Variants in CCDC3 observed in about 807,000 individuals in gnomAD.
CCDC3 encodes the protein coiled-coil domain-containing protein 3.
CCDC3 carries 24 observed loss-of-function variants against 21.4 expected under a neutral mutation model. The ratio of observed to expected loss-of-function variants is 1.12; its 90% confidence interval spans 0.81 to 1.58. The LOEUF (loss-of-function observed/expected upper bound fraction) is 1.58. Ranked by LOEUF, CCDC3 falls within the 40% of genes most tolerant of loss-of-function variation. CCDC3 has a pLI of 0.00. For missense variants in CCDC3, 425 were observed against 360.9 expected (o/e 1.18, Z -1.44); for synonymous variants, 186 against 166.0 (o/e 1.12, Z -0.93).
At chr10:13,033,449 A>C (rs1836332381) in intron 5 of CCDC3, among the ~76,000 whole-genome samples, 1 of 152,226 alleles carries the variant, frequency 6.6e-6, no homozygotes, top group Non-Finnish European at 1.5e-5. Flanking sequence ...TTCATGTCTA[A>C]AACACCAAAA....
In CCDC3 at chr10:12,939,030, G is replaced by A. The variant is rs145485836; in HGVS notation, c.550-40351C>T. On this transcript the variant is annotated intron_variant, in intron 2 of 2. Transcript: ENST00000378825. ...TCCTCCTATCTCTGAGAGGTTGGCT[G>A]CATCCACTACAAATTCAGAATCTCC... 4.5e-3 allele frequency among the ~76,000 whole-genome samples: 689 copies of A among 151,774 alleles called. 5 individuals carry two copies. The highest frequency in any genetic ancestry group is 0.015 in the African/African-American group (617 of 41,038).
intron 2 of CCDC3, among the ~76,000 whole-genome samples, chr10:12,899,229 C>T (rs945414682): frequency 6.6e-6 from 1 of 152,106 alleles, no homozygotes; most frequent in African/African-American, 2.4e-5. Context: ...ACGCCAGTAT[C>T]TCTTAAACGC....
intron 3 of CCDC3, among the ~76,000 whole-genome samples, chr10:13,092,261 T>TGA (rs1832581168): frequency 1.3e-5 from 2 of 152,250 alleles, no homozygotes; most frequent in African/African-American, 4.8e-5. Flanking sequence ...CTCTTGTTTC[T>TGA]ATAATAAACA....
chr10:12,986,722 G>C (rs1161656863), intron 2 of CCDC3, among the ~76,000 whole-genome samples: 3 of 150,804 alleles, frequency 2.0e-5, no homozygotes, highest in Non-Finnish European at 4.4e-5. Context: ...GCAGTGAGCC[G>C]AGATCGTGCC....
intron 4 of CCDC3, chr10:13,058,329 T>G: frequency 7.8e-7 from 1 of 1,282,906 alleles, no homozygotes; most frequent in Non-Finnish European, 1.1e-6. Flanking sequence ...TCATAGATCT[T>G]GTCCATGCCA....
chr10:12,953,572 C>G (rs1442700262), intron 2 of CCDC3, among the ~76,000 whole-genome samples: 1 of 152,246 alleles, frequency 6.6e-6, no homozygotes, highest in Non-Finnish European at 1.5e-5. Flanking sequence ...TAGCCTACTG[C>G]TCAGACACAC....
Position 12,927,142 on chromosome 10 carries a change from A to C in CCDC3, c.550-28463T>G, listed in dbSNP as rs556116438. Among the ~76,000 whole-genome samples, 5 of 152,326 alleles carry C rather than the reference A, an allele frequency of 3.3e-5. No homozygotes were observed. In the South Asian group the frequency reaches 1.0e-3, roughly 32 times the overall value. ...ATTATTTTTAAAATGGAAATTTCCG[A>C]ACACACATAAAAGTAGAGAGATGAG... On this transcript the variant is annotated intron_variant, in intron 2 of 2. Transcript: ENST00000378825.
intron 5 of CCDC3, among the ~76,000 whole-genome samples, chr10:13,020,624 A>C (rs1051742290): frequency 1.1e-4 from 17 of 152,150 alleles, no homozygotes; most frequent in Admixed American, 2.6e-4. Flanking sequence ...CAAAATATGC[A>C]CTGATTTTTA....
intron 2 of CCDC3, among the ~76,000 whole-genome samples, chr10:12,963,586 T>G (rs1057443834): frequency 1.3e-5 from 2 of 148,660 alleles, no homozygotes; most frequent in South Asian, 2.2e-4. Flanking sequence ...CGGGTTTTTT[T>G]TTTTTTTTTT....
intron 2 of CCDC3, among the ~76,000 whole-genome samples, chr10:12,970,904 T>C (rs1032724804): frequency 4.0e-5 from 6 of 150,790 alleles, no homozygotes; most frequent in Admixed American, 4.0e-4. Context: ...AAAAAAAAAA[T>C]TGTCAGTCTG....
At chr10:13,075,065 G>A (rs949013728) in intron 3 of CCDC3, among the ~76,000 whole-genome samples, 1 of 152,152 alleles carries the variant, frequency 6.6e-6, no homozygotes, top group African/African-American at 2.4e-5. Flanking sequence ...TGACGCATAG[G>A]TGCCCACTGC....
chr10:12,998,339 C>T lies in CCDC3; in HGVS notation c.548G>A (p.Arg183Lys). 1.2e-6 allele frequency: 2 copies of T among 1,613,786 alleles called. No individual in the cohort carries two copies. Among genetic ancestry groups the T allele is most frequent in the Non-Finnish European group, 1.7e-6 (2 of 1,179,832 alleles). ...SSDWEIQEDSRLMCSSVQKAL... is the reference protein window; with the variant it reads ...SSDWEIQEDSKLMCSSVQKAL... ...GCACAGGATTTAGCCAATTCTTACC[C>T]TACTGTCTTCCTGGATTTCCCAGTC... is the stretch of plus-strand genomic sequence containing the variant. The change falls in exon 2 of 3, where the codon AGG becomes AAG. Residue 183 changes from arginine (R) to lysine (K), a missense_variant and splice_region_variant. Coordinates refer to ENST00000378825, the MANE Select transcript of CCDC3 (RefSeq NM_031455.4).
At chr10:13,089,671 A>T (rs948448339) in intron 3 of CCDC3, among the ~76,000 whole-genome samples, 7 of 151,824 alleles carry the variant, frequency 4.6e-5, no homozygotes, top group African/African-American at 1.7e-4. Flanking sequence ...CATTTTTTTA[A>T]ATTTAAATTT....
chr10:13,075,771 G>T (rs1836956680), intron 3 of CCDC3, among the ~76,000 whole-genome samples: 1 of 152,108 alleles, frequency 6.6e-6, no homozygotes, highest in South Asian at 2.1e-4. Context: ...TAGGCGCACG[G>T]GCATGGTGGC....
At chr10:12,988,454 C>A (rs1427623240) in intron 2 of CCDC3, among the ~76,000 whole-genome samples, 2 of 152,106 alleles carry the variant, frequency 1.3e-5, no homozygotes, top group African/African-American at 4.8e-5. Context: ...CTAAGCGATT[C>A]TGCCTCAGCC....
intron 4 of CCDC3, among the ~76,000 whole-genome samples, chr10:13,069,336 T>C: frequency 6.6e-6 from 1 of 152,346 alleles, no homozygotes; most frequent in Admixed American, 6.5e-5. Context: ...TATTATATGG[T>C]CTTCTATAAA....
chr10:12,924,882 A>G (rs1834510328), intron 2 of CCDC3: 1 of 152,256 alleles, frequency 6.6e-6, no homozygotes, highest in Admixed American at 6.5e-5. Context: ...CTTGAGGGAC[A>G]GTGAAAAAAG....
Position 12,976,903 on chromosome 10 carries a change from C to A in CCDC3, c.549+21435G>T, listed in dbSNP as rs146701881. 9.2e-5 allele frequency among the ~76,000 whole-genome samples: 14 copies of A among 152,268 alleles called. No individual in the cohort carries two copies. The East Asian group carries it at 2.7e-3, about 29-fold the overall frequency. On this transcript the variant is annotated intron_variant, in intron 2 of 2. Transcript: ENST00000378825. ...TTAAATCTATTTTTTATAAACCAAACAATAGCACTAGATTATGGTATTGAC... is the reference window on the plus strand; with the variant it reads ...TTAAATCTATTTTTTATAAACCAAAAAATAGCACTAGATTATGGTATTGAC...
At chr10:13,017,271 C>A (rs1836076443) in intron 5 of CCDC3, among the ~76,000 whole-genome samples, 2 of 151,854 alleles carry the variant, frequency 1.3e-5, no homozygotes, top group African/African-American at 4.8e-5. Context: ...AATCCCAGTA[C>A]TTTGGGAGGC....
Sources: gnomAD v4.1 joint callset for allele counts (sites outside exome capture counted in the v4.1 genomes callset) on GRCh38, gnomAD v4.1.1 for gene constraint, MANE v1.5 for transcripts, NCBI Gene and HGNC (gene_info 2026-07-23, HGNC 2026-07-21) for gene names.